The following JCAD variants were observed in gnomAD, a reference collection of about 807,000 sequenced individuals.
JCAD encodes the protein junctional cadherin 5-associated protein.
In JCAD, 40 loss-of-function variants were observed where a neutral mutation model predicts 98.0. The ratio of observed to expected loss-of-function variants is 0.41; its 90% CI spans 0.32 to 0.53. The LOEUF (loss-of-function observed/expected upper bound fraction) is 0.53. Ranked by LOEUF, JCAD falls within the 20% of genes least tolerant of loss-of-function variation. JCAD has a pLI of 0.31. For synonymous variants in JCAD, 691 were observed against 682.3 expected, an observed-to-expected ratio of 1.01 and a Z score of -0.20; for missense variants, 1,705 against 1,738.1, an observed-to-expected ratio of 0.98 and a Z score of 0.34.
chr10:30,076,628 C>T (rs964005644), intron 1 of JCAD, among the ~76,000 whole-genome samples: 11 of 152,120 alleles, frequency 7.2e-5, no homozygotes, highest in Non-Finnish European at 5.9e-5. Context: ...TTGGCTACCC[C>T]TTTTATAATT....
chr10:30,077,954 C>T (rs1462925510), intron 1 of JCAD, among the ~76,000 whole-genome samples: 1 of 152,166 alleles, frequency 6.6e-6, no homozygotes, highest in African/African-American at 2.4e-5. Context: ...GATCATATGC[C>T]AATTCTACGT....
intron 2 of JCAD, among the ~76,000 whole-genome samples, chr10:30,031,434 C>A (rs1243097875): frequency 2.1e-5 from 3 of 143,376 alleles, no homozygotes; most frequent in Non-Finnish European, 3.0e-5. Flanking sequence ...CCTGGCCCAT[C>A]TGTATTTTTT....
At chr10:30,078,206 A>T (rs1465445680) in intron 1 of JCAD, among the ~76,000 whole-genome samples, 1 of 152,232 alleles carries the variant, frequency 6.6e-6, no homozygotes. Context: ...CTGAAATTCC[A>T]GTAGTTTCTC....
intron 2 of JCAD, among the ~76,000 whole-genome samples, chr10:30,068,532 T>G (rs1837826867): frequency 6.6e-6 from 1 of 152,106 alleles, no homozygotes; most frequent in Non-Finnish European, 1.5e-5. Context: ...AGGGCATATC[T>G]TGGATTTGCT....
rs189973783 is a variant in JCAD at position 30,030,478 on chromosome 10, G to T, written c.282-612C>A. On this transcript the variant is annotated intron_variant, in intron 2 of 3. Coordinates refer to ENST00000375377, the MANE Select transcript of JCAD (RefSeq NM_020848.4). ...ATGCCCAAGGGAACAAGGGTTAACT[G>T]TTCAGTAGTATTTCTCAAGGTGTGG... Among the ~76,000 whole-genome samples the T allele has an allele frequency of 9.9e-4, 150 of 152,270 alleles. 1 individual carries two copies. Among genetic ancestry groups the T allele is most frequent in the East Asian group, 9.5e-3 (49 of 5,182 alleles).
intron 2 of JCAD, among the ~76,000 whole-genome samples, chr10:30,065,903 G>A (rs1308798289): frequency 1.3e-5 from 2 of 152,124 alleles, no homozygotes; most frequent in Non-Finnish European, 2.9e-5. Flanking sequence ...GTTGACTAAA[G>A]GCCAAATTCC....
At chr10:30,025,538 G>A (rs1836770860) in intron 3 of JCAD, among the ~76,000 whole-genome samples, 1 of 44,870 alleles carries the variant, frequency 2.2e-5, no homozygotes, top group Non-Finnish European at 6.5e-5. Flanking sequence ...AAATGGGAAG[G>A]GGAGGGGAGG....
intron 2 of JCAD, among the ~76,000 whole-genome samples, chr10:30,031,438 ATTTTTTT>A (rs34213034): frequency 1.3e-4 from 13 of 97,084 alleles, no homozygotes; most frequent in African/African-American, 4.2e-4. Flanking sequence ...GCCCATCTGT[ATTTTTTT>A]TTTTTTTTTT....
rs57504197 is a variant in JCAD at position 30,037,934 on chromosome 10, T to TA, written c.282-8069dup. Among the ~76,000 whole-genome samples the TA allele has an allele frequency of 1.4e-3, 150 of 109,288 alleles. 2 individuals carry two copies. The highest frequency in any genetic ancestry group is 3.6e-3 in the South Asian group (12 of 3,346). 71.7% of individuals were successfully genotyped at this position (109,288 alleles called of 152,430 possible). A position where few individuals can be genotyped will look rare whatever the true frequency, so the allele number is the denominator to read the frequency against. On this transcript the variant is annotated intron_variant, in intron 2 of 3. Coordinates refer to ENST00000375377, the MANE Select transcript of JCAD (RefSeq NM_020848.4). ...AAAGATGAACTCAGAATGGAAAAATTAAAAAAAAAAAAAAAAAAAAAGTTG... is the reference window on the plus strand; with the variant it reads ...AAAGATGAACTCAGAATGGAAAAATTAAAAAAAAAAAAAAAAAAAAAAGTTG...
At chr10:30,072,505 C>A (rs567882483) in intron 1 of JCAD, among the ~76,000 whole-genome samples, 20 of 152,100 alleles carry the variant, frequency 1.3e-4, no homozygotes, top group African/African-American at 4.8e-4. Context: ...CGGTTACTCA[C>A]AAAATAAACT....
Position 30,029,772 on chromosome 10 carries a change from G to A in JCAD, c.376C>T (p.Gln126Ter). ...RRRGRQEARS[Q>*]KPREHENLEA... ...AGGTTTTCGTGCTCCCTCGGCTTCT[G>A]GCTCCTGGCTTCTTGCCGTCCTCTT... Residue 126 changes from glutamine (Q) to a stop codon, truncating the protein, a stop_gained, in exon 3 of 4, where the codon CAG becomes TAG. Coordinates refer to ENST00000375377, the MANE Select transcript of JCAD (RefSeq NM_020848.4). LOFTEE classifies it high-confidence loss of function. 1 of 1,614,220 alleles carries A rather than the reference G, an allele frequency of 6.2e-7. No homozygotes were observed. Among genetic ancestry groups the A allele is most frequent in the Non-Finnish European group, 8.5e-7 (1 of 1,180,046 alleles).
chr10:30,054,040 C>A (rs984429710), intron 1 of JCAD, among the ~76,000 whole-genome samples: 1 of 152,106 alleles, frequency 6.6e-6, no homozygotes, highest in African/African-American at 2.4e-5. Flanking sequence ...TCACCCTGAG[C>A]GACAATGAGG....
Position 30,048,113 on chromosome 10 carries a change from C to T in JCAD, c.-59-242G>A, listed in dbSNP as rs908318015. Among the ~76,000 whole-genome samples, 7 of 152,298 alleles carry T rather than the reference C, an allele frequency of 4.6e-5. No individual in the cohort carries two copies. In the South Asian group the frequency reaches 6.2e-4, roughly 14 times the overall value. On this transcript the variant is annotated intron_variant, in intron 1 of 3. Coordinates refer to ENST00000375377, the MANE Select transcript of JCAD (RefSeq NM_020848.4). ...GTGGAACCCTGAGGACCTCACCCTT[C>T]GATGGCTGCCTCTGGTAGAAGAGCA...
At chr10:30,073,146 G>A (rs918593676) in intron 1 of JCAD, among the ~76,000 whole-genome samples, 2 of 152,206 alleles carry the variant, frequency 1.3e-5, no homozygotes, top group African/African-American at 4.8e-5. Context: ...TTTATCAGGA[G>A]GTAACATAAC....
At chr10:30,024,639 C>A (rs1011030993) in intron 3 of JCAD, among the ~76,000 whole-genome samples, 4 of 152,042 alleles carry the variant, frequency 2.6e-5, no homozygotes, top group African/African-American at 9.7e-5. Context: ...TGGCTAACAC[C>A]CCTAAGAATC....
intron 1 of JCAD, among the ~76,000 whole-genome samples, chr10:30,082,319 T>A (rs974365769): frequency 3.9e-5 from 6 of 152,162 alleles, no homozygotes; most frequent in South Asian, 2.1e-4. Flanking sequence ...TTGTAAAAAA[T>A]TTGACATGGG....
chr10:30,099,674 C>G (rs1838436843), intron 1 of JCAD, among the ~76,000 whole-genome samples: 1 of 151,926 alleles, frequency 6.6e-6, no homozygotes, highest in African/African-American at 2.4e-5. Context: ...TGCCAAATGC[C>G]ATATACAATG....
At chr10:30,105,638 C>A (rs1838562663) in intron 1 of JCAD, among the ~76,000 whole-genome samples, 1 of 152,194 alleles carries the variant, frequency 6.6e-6, no homozygotes, top group Non-Finnish European at 1.5e-5. Context: ...TGCCTATTTT[C>A]TAGTCCAAAT....
At chr10:30,042,377 G>A (rs542077226) in intron 2 of JCAD, among the ~76,000 whole-genome samples, 13 of 148,750 alleles carry the variant, frequency 8.7e-5, no homozygotes, top group East Asian at 7.7e-4. Context: ...TGATCGGAGC[G>A]GGGAGACACC....
Sources: allele counts gnomAD v4.1 joint callset (sites outside exome capture counted in the v4.1 genomes callset), GRCh38; gene constraint gnomAD v4.1.1; transcripts MANE v1.5; gene names NCBI Gene and HGNC (gene_info 2026-07-23, HGNC 2026-07-21).